HSPB7: variants seen among roughly 807,000 people sequenced by gnomAD.
The protein encoded by HSPB7 is heat shock protein family B (small) member 7.
In HSPB7, 9 loss-of-function variants were observed where a neutral mutation model predicts 11.0. The observed-to-expected ratio is 0.82, with a 90% CI of 0.49 to 1.43. The LOEUF is 1.43. HSPB7 is among the 40% of genes most tolerant of loss of function. HSPB7 has a pLI of 0.00. For synonymous variants in HSPB7, 102 were observed against 101.6 expected, an observed-to-expected ratio of 1.00 and a Z score of -0.02; for missense variants, 246 against 243.9, an observed-to-expected ratio of 1.01 and a Z score of -0.06.
At position 16,015,439 on chromosome 1, in the gene HSPB7, G is replaced by T; in HGVS notation, c.*141C>A. 1.4e-6 allele frequency: 1 copy of T among 726,570 alleles called. No individual in the cohort carries two copies. The allele number at this position is 726,570 out of a possible 1,614,324, so 45.0% of individuals were successfully genotyped here. ...TGGATAGAGTGGAGGGCCCTAGTTT[G>T]GGAGGATGGTCCACCTGGGGTCTGG... is the stretch of plus-strand genomic sequence containing the variant. On this transcript the variant is annotated 3_prime_UTR_variant, in exon 3 of 3. Coordinates refer to ENST00000311890, the MANE Select transcript of HSPB7 (RefSeq NM_014424.5). This position sits in a 1 kb window ranked among gnomAD's most constrained non-coding sequence, Gnocchi z 4.9.
chr1:16,017,838 C>T lies in HSPB7; in HGVS notation c.126G>A (p.Glu42=). The change falls in exon 1 of 3, where the codon GAG becomes GAA. Residue 42 remains glutamate, a synonymous_variant. Transcript: ENST00000311890. ...RALPAQDPPM[E]KALSMFSDDF... ...CATCGGAAAACATGCTCAGGGCCTT[C>T]TCCATGGGCGGGTCCTGGGCCGGGA... The T allele has an allele frequency of 6.2e-7, 1 of 1,613,914 alleles. No homozygotes were observed. Among genetic ancestry groups the T allele is most frequent in the South Asian group, 1.1e-5 (1 of 91,030 alleles).
intron 2 of HSPB7, among the ~76,000 whole-genome samples, 179 bp downstream of exon 2, chr1:16,016,895 G>A (rs1191860499): frequency 6.6e-6 from 1 of 152,210 alleles, no homozygotes; most frequent in East Asian, 1.9e-4. Flanking sequence ...AAGAGAGGCA[G>A]TGAGGGGGCC....
Position 16,015,687 on chromosome 1 carries a change from A to C in HSPB7, c.406T>G (p.Ser136Ala). ...CQLPEDVDPT[S>A]VTSALREDGS... ...TCCTCCCGCAGAGCCGAGGTCACCG[A>C]CGTCGGGTCCACGTCCTCCGGCAGC... The change falls in exon 3 of 3, where the codon TCG (serine) becomes GCG (alanine). Residue 136 changes from serine (S) to alanine (A), a missense_variant. By Grantham distance (99) the Ser-to-Ala change is moderately conservative. Coordinates refer to ENST00000311890, the MANE Select transcript of HSPB7 (RefSeq NM_014424.5). The surrounding 1 kb of genome is among the most constrained non-coding windows in gnomAD (Gnocchi z 4.9). 1 of 1,613,114 alleles carries C rather than the reference A, an allele frequency of 6.2e-7. No homozygotes were observed. Among genetic ancestry groups the C allele is most frequent in the Non-Finnish European group, 8.5e-7 (1 of 1,179,534 alleles).
In HSPB7 at chr1:16,015,461, C is replaced by G. The variant is rs41269161; in HGVS notation, c.*119G>C. ...TTTGGGAGGATGGTCCACCTGGGGT[C>G]TGGGGTGCGTGGGGGCTAGAACCTG... On this transcript the variant is annotated 3_prime_UTR_variant, in exon 3 of 3. Coordinates refer to ENST00000311890, the MANE Select transcript of HSPB7 (RefSeq NM_014424.5). This position sits in a 1 kb window ranked among gnomAD's most constrained non-coding sequence, Gnocchi z 4.9. 1.1e-4 allele frequency: 102 copies of G among 946,652 alleles called. No individual in the cohort carries two copies. Among genetic ancestry groups the G allele is most frequent in the Admixed American group, 1.9e-4 (9 of 46,656 alleles). 58.6% of individuals were successfully genotyped at this position (946,652 alleles called of 1,614,324 possible). A position where few individuals can be genotyped will look rare whatever the true frequency, so the allele number is the denominator to read the frequency against.
chr1:16,019,379 TC>T (rs1456635545), upstream of HSPB7: 6 of 1,485,298 alleles, frequency 4.0e-6, no homozygotes, highest in African/African-American at 8.4e-5. Context: ...TGTGACATAG[TC>T]TTCCTGTGTG....
Position 16,017,165 on chromosome 1 carries a change from G to GCAT in HSPB7, c.241_242insATG (p.Asp80dup). 6.2e-7 allele frequency: 1 copy of GCAT among 1,613,894 alleles called. No individual in the cohort carries two copies. On this transcript the variant is annotated inframe_insertion, in exon 2 of 3. Transcript: ENST00000311890. ...TCTCACGTCCACCGCAAACTCATAG[G>GCAT]CGTCTCCTAGGGTCTTGATGTTGCC...
At position 16,015,669 on chromosome 1, in the gene HSPB7, G is replaced by T; in HGVS notation, c.424C>A (p.Arg142=). 6.2e-7 allele frequency: 1 copy of T among 1,613,504 alleles called. No individual in the cohort carries two copies. The highest frequency in any genetic ancestry group is 8.5e-7 in the Non-Finnish European group (1 of 1,179,784). ...CGGATAGTGAGGCTGCCGTCCTCCC[G>T]CAGAGCCGAGGTCACCGACGTCGGG... is the stretch of plus-strand genomic sequence containing the variant. The part of the protein sequence containing the change: ...VDPTSVTSAL[R]EDGSLTIRAR... The change falls in exon 3 of 3, where the codon CGG becomes AGG. Residue 142 remains arginine (R), a synonymous_variant. Transcript: ENST00000311890. This position sits in a 1 kb window ranked among gnomAD's most constrained non-coding sequence, Gnocchi z 4.9.
At chr1:16,018,341 T>G (rs2021924733), upstream of HSPB7, 10 of 1,229,504 alleles carry the variant, frequency 8.1e-6, no homozygotes, top group South Asian at 1.5e-4. Context: ...AGTTTGGGGT[T>G]TATTGTGTGT....
chr1:16,017,712 C>A (rs1186302497), intron 1 of HSPB7, 53 bp downstream of exon 1: 10 of 1,450,540 alleles, frequency 6.9e-6, no homozygotes, highest in Non-Finnish European at 9.3e-6. Context: ...CGCCCTGGAG[C>A]AGACGTCCCC....
At chr1:16,017,555 C>G (rs2021840587) in intron 1 of HSPB7, 2 of 596,152 alleles carry the variant, frequency 3.4e-6, no homozygotes, top group Non-Finnish European at 5.9e-6. Context: ...ATGTCCAACC[C>G]CCAGGGCCAC....
chr1:16,015,760 C>G lies in HSPB7; in HGVS notation c.334-1G>C. ...TCATGACAGTGCCGTCAGCCGCCAG[C>G]TGGGGAAGGGGTGACCCGTCAGGCA... On this transcript the variant is annotated splice_acceptor_variant, in intron 2 of 2. Coordinates refer to ENST00000311890, the MANE Select transcript of HSPB7 (RefSeq NM_014424.5). LOFTEE classifies it high-confidence loss of function. This position sits in a 1 kb window ranked among gnomAD's most constrained non-coding sequence, Gnocchi z 4.9. 6.3e-7 allele frequency: 1 copy of G among 1,575,742 alleles called. No homozygotes were observed. Among genetic ancestry groups the G allele is most frequent in the South Asian group, 1.2e-5 (1 of 86,010 alleles).
upstream of HSPB7, chr1:16,018,922 A>G: frequency 8.5e-7 from 1 of 1,172,772 alleles, no homozygotes; most frequent in South Asian, 1.7e-5. Context: ...GGCTCTTCCC[A>G]TGTTACGGAC....
At position 16,015,722 on chromosome 1, in the gene HSPB7, T is replaced by G. The variant is rs2021664928; in HGVS notation, c.371A>C (p.His124Pro). 4 of 1,608,918 alleles carry G rather than the reference T, an allele frequency of 2.5e-6. No individual in the cohort carries two copies. Among genetic ancestry groups the G allele is most frequent in the East Asian group, 4.5e-5 (2 of 44,794 alleles). ...CACGTCCTCCGGCAGCTGGCACTTG[T>G]GAGCGAAGGTGTTCATGACAGTGCC... ...ADGTVMNTFA[H>P]KCQLPEDVDP... The change falls in exon 3 of 3, where the codon CAC (histidine) becomes CCC (proline). Residue 124 changes from histidine to proline, a missense_variant. By Grantham distance (77) the His-to-Pro change is moderately conservative (BLOSUM62 -2). Transcript: ENST00000311890. The surrounding 1 kb of genome is among the most constrained non-coding windows in gnomAD (Gnocchi z 4.9).
Position 16,017,968 on chromosome 1 carries a change from G to C in HSPB7, c.-5C>G. The C allele has an allele frequency of 1.2e-6, 2 of 1,612,962 alleles. No homozygotes were observed. Among genetic ancestry groups the C allele is most frequent in the Non-Finnish European group, 1.7e-6 (2 of 1,179,746 alleles). ...GGAAGAGGTTCTGTGGCTCATCCAC[G>C]GACGGCGCCGGGCCCTGCCCAGGCG... is the stretch of plus-strand genomic sequence containing the variant. On this transcript the variant is annotated 5_prime_UTR_variant, in exon 1 of 3. Transcript: ENST00000311890.
Position 16,014,995 on chromosome 1 carries a change from G to C in HSPB7, c.*585C>G, listed in dbSNP as rs538390267. ...CTGCCCTGGCACAGCCAGCTGGCTG[G>C]GGGCACGGGGTGGGCAGGCAGCCTG... On this transcript the variant is annotated 3_prime_UTR_variant, in exon 3 of 3. Coordinates refer to ENST00000311890, the MANE Select transcript of HSPB7 (RefSeq NM_014424.5). 15 of 153,998 alleles carry C rather than the reference G, an allele frequency of 9.7e-5. No homozygotes were observed. Among genetic ancestry groups the C allele is most frequent in the African/African-American group, 3.4e-4 (14 of 41,570 alleles). 9.5% of individuals were successfully genotyped at this position (153,998 alleles called of 1,614,324 possible). A position where few individuals can be genotyped will look rare whatever the true frequency, so the allele number is the denominator to read the frequency against.
chr1:16,017,035 A>G (rs1278145720), intron 2 of HSPB7, 39 bp downstream of exon 2: 1 of 1,587,424 alleles, frequency 6.3e-7, no homozygotes, highest in Admixed American at 1.7e-5. Context: ...AGGCAGGAGC[A>G]GAATTTGGGA....
chr1:16,017,468 C>G (rs944754739), intron 1 of HSPB7: 1 of 586,736 alleles, frequency 1.7e-6, no homozygotes, highest in Non-Finnish European at 3.0e-6. Flanking sequence ...GGCTGCCCCC[C>G]ACCGCTCACC....
At chr1:16,017,379 GGTGGGGCCTCA>G in intron 1 of HSPB7, 172 bp from the exon 2 acceptor site, 10 of 804,974 alleles carry the variant, frequency 1.2e-5, no homozygotes, top group Non-Finnish European at 1.7e-5. Context: ...CTGGGGTGGG[GGTGGGGCCTCA>G]CCCAGCACAG....
At chr1:16,018,225 C>T (rs1190446248), upstream of HSPB7, 2 of 1,482,980 alleles carry the variant, frequency 1.3e-6, no homozygotes, top group South Asian at 1.2e-5. Context: ...CACAGCCTGA[C>T]ATTCCAGGCT....
Sources: allele counts gnomAD v4.1 joint callset (sites outside exome capture counted in the v4.1 genomes callset), GRCh38; gene constraint gnomAD v4.1.1; non-coding constraint Gnocchi (gnomAD v3.1); transcripts MANE v1.5; gene names NCBI Gene and HGNC (gene_info 2026-07-23, HGNC 2026-07-21).